Variants in SUFU observed in about 807,000 individuals in gnomAD.
The protein encoded by SUFU is SUFU negative regulator of hedgehog signaling, also known as suppressor of fused homolog.
Under a neutral mutation model 58.9 loss-of-function variants are expected in SUFU, and 7 were observed. The observed-to-expected ratio is 0.12, with a 90% confidence interval of 0.07 to 0.22. The LOEUF is 0.22. SUFU is among the 10% of genes least tolerant of loss of function. SUFU has a pLI of 1.00. For synonymous variants in SUFU, 232 were observed against 254.8 expected (o/e 0.91, Z 0.85); for missense variants, 451 against 641.3 (o/e 0.70, Z 3.20).
At chr10:102,511,240 G>C (rs2062398205) in intron 2 of SUFU, among the ~76,000 whole-genome samples, 1 of 151,312 alleles carries the variant, frequency 6.6e-6, no homozygotes. Context: ...ATCTTTCTAT[G>C]TTTGTATTCT....
At chr10:102,580,701 G>A (rs1193885356) in intron 3 of SUFU, among the ~76,000 whole-genome samples, 1 of 152,158 alleles carries the variant, frequency 6.6e-6, no homozygotes, top group Non-Finnish European at 1.5e-5. Flanking sequence ...CTTCCTGAGG[G>A]CAGTGCCCTC....
At chr10:102,505,134 C>T (rs2135601524) in intron 1 of SUFU, among the ~76,000 whole-genome samples, 1 of 152,256 alleles carries the variant, frequency 6.6e-6, no homozygotes, top group African/African-American at 2.4e-5. Flanking sequence ...GGTGGAGACT[C>T]TGGGACCCCA....
intron 7 of SUFU, among the ~76,000 whole-genome samples, chr10:102,598,153 C>T (rs1459854893): frequency 1.3e-5 from 2 of 151,878 alleles, no homozygotes; most frequent in African/African-American, 2.4e-5. Flanking sequence ...ATATTTGAGC[C>T]CTTTCTTTTT....
chr10:102,518,673 A>G (rs1487851399), intron 2 of SUFU, among the ~76,000 whole-genome samples: 1 of 151,908 alleles, frequency 6.6e-6, no homozygotes, highest in Non-Finnish European at 1.5e-5. Flanking sequence ...CAACCTCCTG[A>G]GTAGCTGGTA....
chr10:102,631,798 T>A lies in SUFU; in HGVS notation c.*1643T>A, dbSNP rs1253159328. The A allele has an allele frequency of 8.6e-6, 2 of 233,202 alleles. No homozygotes were observed. Among genetic ancestry groups the A allele is most frequent in the Non-Finnish European group, 1.7e-5 (2 of 118,082 alleles). 14.4% of individuals were successfully genotyped at this position (233,202 alleles called of 1,614,324 possible). ...CCTCCTCTACACATCCCCAGGGCTA[T>A]CTGGTTAATTCCATCAAGCTCAGAG... On this transcript the variant is annotated 3_prime_UTR_variant, in exon 12 of 12. Coordinates refer to ENST00000369902, the MANE Select transcript of SUFU (RefSeq NM_016169.4).
chr10:102,627,138 A>T lies in SUFU; in HGVS notation c.1297-37A>T, dbSNP rs199872273. 5.6e-6 allele frequency: 9 copies of T among 1,609,568 alleles called. No homozygotes were observed. The East Asian group carries it at 1.6e-4, about 28-fold the overall frequency. On this transcript the variant is annotated intron_variant, in intron 10 of 11. Coordinates refer to ENST00000369902, the MANE Select transcript of SUFU (RefSeq NM_016169.4). ...TGGTTGGCAAAAAGATCATACATTT[A>T]AAAATAATAATAAAAGCCTGCCTTG... is the stretch of plus-strand genomic sequence containing the variant.
At chr10:102,588,027 G>A (rs1011601609) in intron 3 of SUFU, among the ~76,000 whole-genome samples, 2 of 152,198 alleles carry the variant, frequency 1.3e-5, no homozygotes, top group Admixed American at 6.5e-5. Context: ...TTGCGTGTGA[G>A]TATCCAGTTC....
chr10:102,599,887 T>A (rs963641793), intron 8 of SUFU, among the ~76,000 whole-genome samples: 9 of 152,274 alleles, frequency 5.9e-5, no homozygotes, highest in African/African-American at 2.2e-4. Flanking sequence ...CTTATCTCAG[T>A]CTTGGCCAGA....
At chr10:102,515,664 C>T (rs2062460266) in intron 2 of SUFU, among the ~76,000 whole-genome samples, 1 of 152,092 alleles carries the variant, frequency 6.6e-6, no homozygotes, top group African/African-American at 2.4e-5. Flanking sequence ...CTTTCTTCGC[C>T]ATACACATCT....
At chr10:102,606,519 A>G (rs1238452190) in intron 8 of SUFU, among the ~76,000 whole-genome samples, 1 of 152,192 alleles carries the variant, frequency 6.6e-6, no homozygotes, top group African/African-American at 2.4e-5. Flanking sequence ...ATCAGACTGC[A>G]GGGATTAAGT....
intron 3 of SUFU, among the ~76,000 whole-genome samples, chr10:102,570,650 C>G (rs1294505856): frequency 6.6e-6 from 1 of 152,124 alleles, no homozygotes; most frequent in Non-Finnish European, 1.5e-5. Context: ...CTTCCCAGGT[C>G]CTCCAGGTCT....
At chr10:102,522,036 G>T (rs564876726) in intron 2 of SUFU, among the ~76,000 whole-genome samples, 1 of 152,280 alleles carries the variant, frequency 6.6e-6, no homozygotes, top group East Asian at 1.9e-4. Context: ...TTTGCTTTGC[G>T]TGCATCTCAT....
At chr10:102,515,867 C>G (rs1055504405) in intron 2 of SUFU, among the ~76,000 whole-genome samples, 28 of 152,142 alleles carry the variant, frequency 1.8e-4, no homozygotes, top group Non-Finnish European at 2.9e-4. Flanking sequence ...CCTTTCCTCT[C>G]AGGGATGTTC....
intron 6 of SUFU, among the ~76,000 whole-genome samples, chr10:102,595,544 C>T (rs926993719): frequency 2.0e-5 from 3 of 152,134 alleles, no homozygotes; most frequent in Admixed American, 2.0e-4. Flanking sequence ...AAGAAAGAAC[C>T]TGGTCCTTTG....
chr10:102,603,892 C>T (rs2063538240), intron 8 of SUFU, among the ~76,000 whole-genome samples: 1 of 152,178 alleles, frequency 6.6e-6, no homozygotes, highest in Non-Finnish European at 1.5e-5. Context: ...TTTTGCTCAG[C>T]TTGTGAGGTC....
intron 2 of SUFU, among the ~76,000 whole-genome samples, chr10:102,546,191 T>C (rs2062852547): frequency 6.6e-6 from 1 of 152,224 alleles, no homozygotes; most frequent in African/African-American, 2.4e-5. Flanking sequence ...TCAGGCAGAC[T>C]TGCCAAACTG....
chr10:102,538,802 CTCT>C (rs1328343008), intron 2 of SUFU, among the ~76,000 whole-genome samples: 1 of 152,160 alleles, frequency 6.6e-6, no homozygotes, highest in Non-Finnish European at 1.5e-5. Context: ...GAGAAGTAAA[CTCT>C]TCTTATCTAC....
At chr10:102,507,053 TA>T (rs1229253497) in intron 1 of SUFU, among the ~76,000 whole-genome samples, 1 of 152,240 alleles carries the variant, frequency 6.6e-6, no homozygotes, top group Admixed American at 6.5e-5. Context: ...CATCATTTGC[TA>T]AGTGTAAAAT....
intron 3 of SUFU, among the ~76,000 whole-genome samples, chr10:102,582,222 AG>A (rs1197494066): frequency 6.6e-6 from 1 of 152,188 alleles, no homozygotes; most frequent in Non-Finnish European, 1.5e-5. Context: ...TTGGGGTGTT[AG>A]TTTCCAGGCT....
Sources: allele counts gnomAD v4.1 joint callset (sites outside exome capture counted in the v4.1 genomes callset), GRCh38; gene constraint gnomAD v4.1.1; transcripts MANE v1.5; gene names NCBI Gene and HGNC (gene_info 2026-07-23, HGNC 2026-07-21).